The following ITPR2 variants were observed in gnomAD, a reference collection of about 807,000 sequenced individuals.
The protein encoded by ITPR2 is inositol 1,4,5-trisphosphate-gated calcium channel ITPR2.
A neutral mutation model predicts 317.1 loss-of-function variants in ITPR2; 207 were observed. That is an observed-to-expected ratio of 0.65 (90% CI 0.58 to 0.73). The LOEUF (loss-of-function observed/expected upper bound fraction) is 0.73, where lower values mean the gene tolerates loss of function less well. Among genes scored for constraint, ITPR2 ranks in the 30% least tolerant of loss-of-function variants. The pLI is 0.00. For synonymous variants in ITPR2, 1,156 were observed against 1,149.1 expected (o/e 1.01, Z -0.12); for missense variants, 2,613 against 3,284.0 (o/e 0.80, Z 4.99).
intron 47 of ITPR2, 140 bp from the exon 48 acceptor site, chr12:26,436,486 T>G: frequency 4.3e-6 from 3 of 702,042 alleles, no homozygotes; most frequent in Non-Finnish European, 6.6e-6. Context: ...AATATTTGAC[T>G]TGAGTAAGTT....
chr12:26,545,274 G>GA (rs1260166846), intron 37 of ITPR2, among the ~76,000 whole-genome samples: 2 of 152,024 alleles, frequency 1.3e-5, no homozygotes, highest in Non-Finnish European at 2.9e-5. Context: ...CTTGAGATGG[G>GA]AAAATTATAC....
rs571643703 is a variant in ITPR2 at position 26,353,183 on chromosome 12, T to C, written c.7858-12855A>G. ...CTCTTTACCTTTGAACATGTTACCATTGGAATTTTTAGTTTACTGGGCTCA... is the reference window on the plus strand; with the variant it reads ...CTCTTTACCTTTGAACATGTTACCACTGGAATTTTTAGTTTACTGGGCTCA... On this transcript the variant is annotated intron_variant, in intron 55 of 56. Transcript: ENST00000381340. 8.5e-5 allele frequency among the ~76,000 whole-genome samples: 13 copies of C among 152,236 alleles called. No individual in the cohort carries two copies. The East Asian group carries it at 1.2e-3, about 14-fold the overall frequency.
At chr12:26,646,111 T>C (rs1336791380) in intron 21 of ITPR2, among the ~76,000 whole-genome samples, 1 of 151,980 alleles carries the variant, frequency 6.6e-6, no homozygotes, top group African/African-American at 2.4e-5. Flanking sequence ...AGATATTTTC[T>C]AAAAAGGTTG....
At chr12:26,726,231 T>A (rs1257598909) in intron 2 of ITPR2, among the ~76,000 whole-genome samples, 2 of 152,142 alleles carry the variant, frequency 1.3e-5, no homozygotes, top group Non-Finnish European at 2.9e-5. Flanking sequence ...TCCCCAAGTT[T>A]CCAAATACCT....
rs905695524 is a variant in ITPR2, at chr12:26,339,169, C to T, written c.*228G>A. 7 of 469,928 alleles carry T rather than the reference C, an allele frequency of 1.5e-5. No individual in the cohort carries two copies. Among genetic ancestry groups the T allele is most frequent in the Admixed American group, 3.8e-5 (1 of 26,204 alleles). 29.1% of individuals were successfully genotyped at this position (469,928 alleles called of 1,614,324 possible). Reference sequence around the variant, plus strand: ...CAAGCCTTTTCTTCCTGATGCATTGCGAATGTGTGATGTACGCTTTCTAGC... The same window carrying T: ...CAAGCCTTTTCTTCCTGATGCATTGTGAATGTGTGATGTACGCTTTCTAGC... On this transcript the variant is annotated 3_prime_UTR_variant, in exon 57 of 57. Transcript: ENST00000381340.
chr12:26,815,173 C>T (rs770599055), intron 1 of ITPR2, among the ~76,000 whole-genome samples: 5 of 151,996 alleles, frequency 3.3e-5, no homozygotes, highest in Non-Finnish European at 7.4e-5. Flanking sequence ...ACCTCATCTC[C>T]ACCAAAAATT....
intron 21 of ITPR2, among the ~76,000 whole-genome samples, chr12:26,641,205 A>G (rs1256376639): frequency 6.6e-6 from 1 of 152,156 alleles, no homozygotes; most frequent in East Asian, 1.9e-4. Context: ...AGACAAGCCA[A>G]ACAACCATTC....
intron 45 of ITPR2, among the ~76,000 whole-genome samples, chr12:26,460,413 A>G (rs1217876445): frequency 6.6e-6 from 1 of 152,232 alleles, no homozygotes; most frequent in Non-Finnish European, 1.5e-5. Flanking sequence ...TTTCATGTGT[A>G]TAAGTGGCAG....
At chr12:26,815,131 G>T (rs2137276467) in intron 1 of ITPR2, among the ~76,000 whole-genome samples, 1 of 152,310 alleles carries the variant, frequency 6.6e-6, no homozygotes, top group African/African-American at 2.4e-5. Context: ...TTGAGGTCAG[G>T]AGTTTGAGAC....
intron 55 of ITPR2, among the ~76,000 whole-genome samples, chr12:26,379,846 T>C (rs17470213): frequency 0.16 from 24,042 of 152,158 alleles, 2,047 homozygotes; most frequent in South Asian, 0.23. Context: ...TCCTAAGAAA[T>C]CAAACTTCAG....
At chr12:26,559,029 G>A (rs1944741782) in intron 35 of ITPR2, among the ~76,000 whole-genome samples, 1 of 152,066 alleles carries the variant, frequency 6.6e-6, no homozygotes, top group Non-Finnish European at 1.5e-5. Flanking sequence ...AGTTCTATTA[G>A]TTCTACAACT....
intron 45 of ITPR2, among the ~76,000 whole-genome samples, chr12:26,456,460 C>T (rs1941887971): frequency 6.6e-6 from 1 of 152,222 alleles, no homozygotes; most frequent in South Asian, 2.1e-4. Context: ...CACAAATAAT[C>T]CACCCTTTGT....
chr12:26,589,036 C>T (rs2137094491), intron 32 of ITPR2, among the ~76,000 whole-genome samples: 1 of 152,264 alleles, frequency 6.6e-6, no homozygotes, highest in Non-Finnish European at 1.5e-5. Flanking sequence ...AGTTATAAAG[C>T]CAAAGAAAAG....
intron 37 of ITPR2, among the ~76,000 whole-genome samples, chr12:26,524,367 C>A (rs78035337): frequency 6.6e-6 from 1 of 152,060 alleles, no homozygotes; most frequent in Non-Finnish European, 1.5e-5. Flanking sequence ...ATTTTATTTG[C>A]AGGGATTAAT....
At chr12:26,690,150 G>A (rs1460619500) in intron 10 of ITPR2, among the ~76,000 whole-genome samples, 2 of 152,142 alleles carry the variant, frequency 1.3e-5, no homozygotes, top group South Asian at 2.1e-4. Context: ...TGACTATTAC[G>A]GCAATGGGAT....
intron 55 of ITPR2, among the ~76,000 whole-genome samples, chr12:26,371,125 A>G (rs1939176415): frequency 6.6e-6 from 1 of 152,252 alleles, no homozygotes; most frequent in Non-Finnish European, 1.5e-5. Flanking sequence ...TGAGCTGGCA[A>G]CCAAAATCAG....
At chr12:26,683,260 G>A (rs1351747598) in intron 11 of ITPR2, among the ~76,000 whole-genome samples, 6 of 152,258 alleles carry the variant, frequency 3.9e-5, no homozygotes, top group Admixed American at 3.3e-4. Context: ...ACATAGAGTG[G>A]CAAAAATTTA....
chr12:26,449,787 A>G (rs1304548435), intron 45 of ITPR2, among the ~76,000 whole-genome samples: 1 of 152,162 alleles, frequency 6.6e-6, no homozygotes, highest in African/African-American at 2.4e-5. Flanking sequence ...TGGGAGCCAC[A>G]CTAAATGCCA....
At chr12:26,462,151 A>C (rs1041114214) in intron 45 of ITPR2, among the ~76,000 whole-genome samples, 2 of 43,452 alleles carry the variant, frequency 4.6e-5, no homozygotes, top group African/African-American at 1.0e-4. Context: ...TACACAAGGA[A>C]AACTTTTGTT....
Sources: allele counts gnomAD v4.1 joint callset (sites outside exome capture counted in the v4.1 genomes callset), GRCh38; gene constraint gnomAD v4.1.1; transcripts MANE v1.5; gene names NCBI Gene and HGNC (gene_info 2026-07-23, HGNC 2026-07-21).